CPPED1: variants seen among roughly 807,000 people sequenced by gnomAD.
CPPED1 encodes serine/threonine-protein phosphatase CPPED1.
In CPPED1, 28 loss-of-function variants were observed where a neutral mutation model predicts 28.0. That is an observed-to-expected ratio of 1.00 (90% CI 0.74 to 1.37). The LOEUF is 1.37. Ranked by LOEUF, CPPED1 falls within the 40% of genes most tolerant of loss-of-function variation. The pLI is 0.00. For synonymous variants in CPPED1, 198 were observed against 180.2 expected (o/e 1.10, Z -0.79); for missense variants, 504 against 416.5 (o/e 1.21, Z -1.83).
At chr16:12,734,627 C>T (rs978985042) in intron 2 of CPPED1, among the ~76,000 whole-genome samples, 27 of 152,170 alleles carry the variant, frequency 1.8e-4, no homozygotes, top group Non-Finnish European at 2.6e-4. Context: ...GATCCGCCCA[C>T]GTCGGCCTCC....
At position 12,803,828 on chromosome 16, in the gene CPPED1, G is replaced by T. The variant is rs1231412578; in HGVS notation, c.-52C>A. The T allele has an allele frequency of 6.6e-7, 1 of 1,525,738 alleles. No individual in the cohort carries two copies. The highest frequency in any genetic ancestry group is 1.2e-5 in the South Asian group (1 of 83,754). The allele number at this position is 1,525,738 out of a possible 1,614,324, so 94.5% of individuals were successfully genotyped here. On this transcript the variant is annotated 5_prime_UTR_variant, in exon 1 of 4. Transcript: ENST00000381774. ...AGAACACTGCGTGGGTGGAAGCCGC[G>T]CGACTTCACACAGAACAACCGCTGG...
chr16:12,740,720 T>C (rs983224951), intron 2 of CPPED1, among the ~76,000 whole-genome samples: 3 of 152,104 alleles, frequency 2.0e-5, no homozygotes, highest in African/African-American at 7.2e-5. Flanking sequence ...ATGAGAATGC[T>C]GGGGGAGCAG....
intron 2 of CPPED1, chr16:12,780,961 G>A (rs2080526777): frequency 1.8e-6 from 1 of 564,272 alleles, no homozygotes. Context: ...CAAATCATCA[G>A]AACTGTAGCT....
At chr16:12,756,270 A>T (rs2080367425) in intron 2 of CPPED1, among the ~76,000 whole-genome samples, 1 of 152,228 alleles carries the variant, frequency 6.6e-6, no homozygotes. Context: ...TTATCGTCTT[A>T]AATAAGAGTC....
chr16:12,673,223 G>T (rs1285997266), intron 3 of CPPED1, among the ~76,000 whole-genome samples: 2 of 152,120 alleles, frequency 1.3e-5, no homozygotes, highest in Non-Finnish European at 2.9e-5. Flanking sequence ...CAGACTGCAG[G>T]GGCGGTGGAA....
At chr16:12,792,577 G>T (rs916602335) in intron 1 of CPPED1, among the ~76,000 whole-genome samples, 1 of 152,080 alleles carries the variant, frequency 6.6e-6, no homozygotes, top group African/African-American at 2.4e-5. Flanking sequence ...TCCTGATATG[G>T]TTTGGCTGTG....
intron 1 of CPPED1, among the ~76,000 whole-genome samples, chr16:12,795,291 C>A (rs1477561808): frequency 6.6e-6 from 1 of 152,194 alleles, no homozygotes; most frequent in Non-Finnish European, 1.5e-5. Flanking sequence ...AAAACCTCTG[C>A]CTCTAGATGC....
chr16:12,712,845 G>A (rs1430725806), intron 2 of CPPED1, among the ~76,000 whole-genome samples: 1 of 152,164 alleles, frequency 6.6e-6, no homozygotes, highest in African/African-American at 2.4e-5. Context: ...TGGAAGGACA[G>A]AAAACATTTC....
chr16:12,747,909 C>A (rs2080301312), intron 2 of CPPED1, among the ~76,000 whole-genome samples: 1 of 152,106 alleles, frequency 6.6e-6, no homozygotes, highest in Non-Finnish European at 1.5e-5. Flanking sequence ...TAAATGTCTG[C>A]CAATTATATC....
At chr16:12,763,129 G>A (rs1469443312) in intron 2 of CPPED1, among the ~76,000 whole-genome samples, 20 of 151,778 alleles carry the variant, frequency 1.3e-4, no homozygotes, top group Non-Finnish European at 4.4e-5. Flanking sequence ...CTACTTGGGA[G>A]GCTGAGGCAG....
chr16:12,766,892 G>A (rs1049542197), intron 2 of CPPED1, among the ~76,000 whole-genome samples: 3 of 152,148 alleles, frequency 2.0e-5, no homozygotes, highest in Admixed American at 6.6e-5. Context: ...TTTGCCTAAC[G>A]GCCTCTACAA....
At chr16:12,793,618 G>T (rs1172940287) in intron 1 of CPPED1, among the ~76,000 whole-genome samples, 1 of 152,158 alleles carries the variant, frequency 6.6e-6, no homozygotes, top group Non-Finnish European at 1.5e-5. Context: ...CTTAAAACAT[G>T]TAAAGCATTT....
chr16:12,734,290 G>A (rs961448750), intron 2 of CPPED1, among the ~76,000 whole-genome samples: 5 of 151,842 alleles, frequency 3.3e-5, no homozygotes, highest in Admixed American at 3.3e-4. Context: ...GCCTGATCTC[G>A]AACTCCTGGC....
intron 3 of CPPED1, among the ~76,000 whole-genome samples, chr16:12,700,313 G>A (rs1260152044): frequency 2.6e-5 from 4 of 152,210 alleles, no homozygotes; most frequent in Non-Finnish European, 5.9e-5. Context: ...AAAGACTGCT[G>A]AGTGACTTTG....
At chr16:12,766,959 C>T (rs2080443336) in intron 2 of CPPED1, among the ~76,000 whole-genome samples, 1 of 151,834 alleles carries the variant, frequency 6.6e-6, no homozygotes, top group African/African-American at 2.4e-5. Context: ...CAAGAGCATT[C>T]AGATCCCAAG....
chr16:12,803,622 G>T, intron 1 of CPPED1, 85 bp downstream of exon 1: 1 of 1,186,650 alleles, frequency 8.4e-7, no homozygotes. Flanking sequence ...TCCGACTGGC[G>T]GAGCGCACAC....
intron 2 of CPPED1, among the ~76,000 whole-genome samples, chr16:12,772,048 G>A (rs1191457951): frequency 1.1e-4 from 16 of 152,078 alleles, no homozygotes; most frequent in African/African-American, 2.9e-4. Context: ...GCTTGAACCC[G>A]GGAGGCGGAG....
intron 1 of CPPED1, among the ~76,000 whole-genome samples, chr16:12,787,530 G>A (rs1198461451): frequency 6.6e-6 from 1 of 150,760 alleles, no homozygotes; most frequent in East Asian, 1.9e-4. Context: ...TTAGCCTCCT[G>A]AGCAGCTGGG....
chr16:12,750,980 A>G (rs2080324348), intron 2 of CPPED1, among the ~76,000 whole-genome samples: 1 of 152,046 alleles, frequency 6.6e-6, no homozygotes, highest in African/African-American at 2.4e-5. Context: ...AAAAGGAAAA[A>G]CAAACAAACA....
Sources: allele counts gnomAD v4.1 joint callset (sites outside exome capture counted in the v4.1 genomes callset), GRCh38; gene constraint gnomAD v4.1.1; transcripts MANE v1.5; gene names NCBI Gene and HGNC (gene_info 2026-07-23, HGNC 2026-07-21).